FOXJ3: variants seen among roughly 807,000 people sequenced by gnomAD.
FOXJ3 encodes the protein forkhead box J3.
Under a neutral mutation model 76.1 loss-of-function variants are expected in FOXJ3, and 22 were observed. The ratio of observed to expected loss-of-function variants is 0.29; its 90% confidence interval spans 0.21 to 0.41. The LOEUF (loss-of-function observed/expected upper bound fraction) is 0.41, where lower values mean the gene tolerates loss of function less well. Ranked by LOEUF, FOXJ3 falls within the 10% of genes least tolerant of loss-of-function variation. The pLI is 1.00. For synonymous variants in FOXJ3, 269 were observed against 261.2 expected, an observed-to-expected ratio of 1.03 and a Z score of -0.29; for missense variants, 613 against 762.1, an observed-to-expected ratio of 0.80 and a Z score of 2.30.
intron 4 of FOXJ3, among the ~76,000 whole-genome samples, chr1:42,231,489 C>G (rs879886677): frequency 1.2e-4 from 18 of 152,018 alleles, no homozygotes; most frequent in Admixed American, 1.1e-3. Context: ...AATGTAGGTA[C>G]TTATTGTTTA....
chr1:42,285,090 T>C (rs1407826601), intron 2 of FOXJ3, among the ~76,000 whole-genome samples: 1 of 152,226 alleles, frequency 6.6e-6, no homozygotes, highest in Non-Finnish European at 1.5e-5. Flanking sequence ...TTTCAATCTT[T>C]TGTATTTTAT....
intron 2 of FOXJ3, among the ~76,000 whole-genome samples, chr1:42,279,084 T>C (rs1652506110): frequency 6.6e-6 from 1 of 152,188 alleles, no homozygotes; most frequent in Non-Finnish European, 1.5e-5. Context: ...GCATTTCTTT[T>C]ACACAAATTT....
At chr1:42,334,605 A>G (rs1450638699) in intron 1 of FOXJ3, among the ~76,000 whole-genome samples, 1 of 152,236 alleles carries the variant, frequency 6.6e-6, no homozygotes, top group Non-Finnish European at 1.5e-5. Flanking sequence ...CGTGAGGTAC[A>G]GCCCGCCCTG....
intron 1 of FOXJ3, among the ~76,000 whole-genome samples, chr1:42,312,453 G>A (rs1357307962): frequency 2.0e-5 from 3 of 152,174 alleles, no homozygotes; most frequent in Admixed American, 2.0e-4. Flanking sequence ...TGAAGTCCCT[G>A]CATCTAATAA....
chr1:42,183,635 T>C (rs1266262241), intron 11 of FOXJ3, among the ~76,000 whole-genome samples: 2 of 151,984 alleles, frequency 1.3e-5, no homozygotes, highest in African/African-American at 4.8e-5. Context: ...TTCATGTAAA[T>C]TACACTTGAA....
chr1:42,255,107 G>T (rs1650472366), intron 4 of FOXJ3, among the ~76,000 whole-genome samples: 1 of 152,026 alleles, frequency 6.6e-6, no homozygotes, highest in South Asian at 2.1e-4. Flanking sequence ...ACTATTTAAA[G>T]CAAGTAACAC....
At chr1:42,210,009 C>A (rs569013119) in intron 5 of FOXJ3, among the ~76,000 whole-genome samples, 1 of 152,298 alleles carries the variant, frequency 6.6e-6, no homozygotes, top group South Asian at 2.1e-4. Context: ...TAGCCTGGGG[C>A]AGTTTTGAGT....
intron 2 of FOXJ3, among the ~76,000 whole-genome samples, chr1:42,301,752 G>C (rs1654162742): frequency 6.6e-6 from 1 of 151,824 alleles, no homozygotes; most frequent in African/African-American, 2.4e-5. Context: ...CTTTCTCTTG[G>C]ATCTCATTGA....
chr1:42,275,823 C>CA (rs376668836), intron 3 of FOXJ3, among the ~76,000 whole-genome samples: 121 of 151,252 alleles, frequency 8.0e-4, no homozygotes, highest in African/African-American at 2.6e-3. Flanking sequence ...CTCAAGGTGC[C>CA]AAAAAAAAGG....
At chr1:42,238,450 G>A (rs1253445392) in intron 4 of FOXJ3, among the ~76,000 whole-genome samples, 2 of 152,216 alleles carry the variant, frequency 1.3e-5, no homozygotes, top group Non-Finnish European at 2.9e-5. Context: ...GCTGGCAGTG[G>A]TTTGCCCAAC....
At chr1:42,228,088 G>A (rs922184961) in intron 4 of FOXJ3, 122 bp from the exon 5 acceptor site, 17 of 441,808 alleles carry the variant, frequency 3.8e-5, no homozygotes, top group African/African-American at 3.0e-4. Context: ...AATAGCACAA[G>A]AAACACTTGT....
intron 4 of FOXJ3, among the ~76,000 whole-genome samples, chr1:42,240,926 C>G (rs1649087636): frequency 1.3e-5 from 2 of 152,156 alleles, no homozygotes; most frequent in Non-Finnish European, 2.9e-5. Flanking sequence ...ATACTTGGCA[C>G]CTGCACTTAG....
chr1:42,212,957 C>CAGAA (rs1646992519), intron 5 of FOXJ3, among the ~76,000 whole-genome samples: 1 of 65,290 alleles, frequency 1.5e-5, no homozygotes, highest in Non-Finnish European at 2.8e-5. Context: ...TTGTATCTAG[C>CAGAA]AAAAAAAAAA....
chr1:42,212,952 T>C (rs1028848722), intron 5 of FOXJ3, among the ~76,000 whole-genome samples: 6 of 95,858 alleles, frequency 6.3e-5, no homozygotes, highest in African/African-American at 2.3e-4. Flanking sequence ...GAATTTTGTA[T>C]CTAGCAAAAA....
chr1:42,286,909 C>T (rs1204117743), intron 2 of FOXJ3, among the ~76,000 whole-genome samples: 2 of 151,668 alleles, frequency 1.3e-5, no homozygotes, highest in African/African-American at 2.4e-5. Context: ...GCTGGGATTA[C>T]AGGCGTGAGC....
chr1:42,328,376 CTG>C (rs1428114205), intron 1 of FOXJ3, among the ~76,000 whole-genome samples: 1 of 152,182 alleles, frequency 6.6e-6, no homozygotes, highest in Non-Finnish European at 1.5e-5. Flanking sequence ...TTCTCTAAGT[CTG>C]TGTTCTAAAA....
intron 2 of FOXJ3, among the ~76,000 whole-genome samples, chr1:42,295,104 G>C (rs1173071667): frequency 6.6e-6 from 1 of 152,108 alleles, no homozygotes; most frequent in Non-Finnish European, 1.5e-5. Context: ...ATACATGTTT[G>C]TTACATGGGT....
At chr1:42,216,924 A>T (rs1569902370) in intron 5 of FOXJ3, among the ~76,000 whole-genome samples, 1 of 152,374 alleles carries the variant, frequency 6.6e-6, no homozygotes, top group South Asian at 2.1e-4. Context: ...CAAATCAGTC[A>T]TATTAATGAT....
chr1:42,311,406 T>C (rs1454535180), intron 1 of FOXJ3, among the ~76,000 whole-genome samples: 3 of 152,146 alleles, frequency 2.0e-5, no homozygotes, highest in Admixed American at 6.5e-5. Context: ...TGAGATTTCA[T>C]AATATGTAAC....
Sources: allele counts gnomAD v4.1 joint callset (sites outside exome capture counted in the v4.1 genomes callset), GRCh38; gene constraint gnomAD v4.1.1; transcripts MANE v1.5; gene names NCBI Gene and HGNC (gene_info 2026-07-23, HGNC 2026-07-21).